Variants in TANC1 observed in about 807,000 individuals in gnomAD.
TANC1 encodes protein TANC1.
Under a neutral mutation model 149.7 loss-of-function variants are expected in TANC1, and 77 were observed. The observed-to-expected ratio is 0.51, with a 90% CI of 0.43 to 0.62. The LOEUF (loss-of-function observed/expected upper bound fraction) is 0.62. Ranked by LOEUF, TANC1 falls within the 20% of genes least tolerant of loss-of-function variation. TANC1 has a pLI of 0.00. For missense variants in TANC1, 1,985 were observed against 2,321.8 expected (o/e 0.85, Z 2.98); for synonymous variants, 854 against 925.0 (o/e 0.92, Z 1.39).
At position 159,115,451 on chromosome 2, in the gene TANC1, C is replaced by A. The variant is rs139529890; in HGVS notation, c.259+17617C>A. Among the ~76,000 whole-genome samples the A allele has an allele frequency of 7.2e-5, 11 of 152,162 alleles. No homozygotes were observed. The East Asian group carries it at 2.1e-3, about 29-fold the overall frequency. ...TTGAAAAAGTTTTAGGAAAAAGAAT[C>A]TTTAGGTTGTGGTGACCTGTTTGTA... On this transcript the variant is annotated intron_variant, in intron 4 of 26. Transcript: ENST00000263635.
rs367631474 is a variant in TANC1 at position 159,186,938 on chromosome 2, C to G, written c.2656C>G (p.Leu886Val). 7.4e-6 allele frequency: 12 copies of G among 1,614,236 alleles called. No individual in the cohort carries two copies. In the South Asian group the frequency reaches 1.3e-4, roughly 18 times the overall value. Residue 886 changes from leucine to valine, a missense_variant, in exon 16 of 27, where the codon CTC becomes GTC. Physicochemically the swap from Leu to Val is conservative, Grantham distance 32. Coordinates refer to ENST00000263635, the MANE Select transcript of TANC1 (RefSeq NM_033394.3). The part of the protein sequence containing the change: ...SKKTGISSSH[L>V]QALWIGYSTE... ...GAAGACGGGAATTTCTTCAAGCCATCTCCAAGCCCTGTGGATCGGCTACAG... is the reference window on the plus strand; with the variant it reads ...GAAGACGGGAATTTCTTCAAGCCATGTCCAAGCCCTGTGGATCGGCTACAG...
rs2032319983 is a variant in TANC1, at chr2:158,968,721, GC to G, written c.-183del. ...AGCCGCGGAGCGCCGAGCTGGCCTC[GC>G]CCCGAGGCCCGGCCCTGGGTGTGGG... On this transcript the variant is annotated 5_prime_UTR_variant, in exon 1 of 27. Transcript: ENST00000263635. 6.6e-6 allele frequency: 1 copy of G among 152,068 alleles called. No individual in the cohort carries two copies. Among genetic ancestry groups the G allele is most frequent in the Non-Finnish European group, 1.5e-5 (1 of 68,020 alleles). 9.4% of individuals were successfully genotyped at this position (152,068 alleles called of 1,614,324 possible).
In TANC1 at chr2:159,150,576, G is replaced by A. The variant is rs1376505806; in HGVS notation, c.682+20G>A. On this transcript the variant is annotated intron_variant, in intron 7 of 26. Transcript: ENST00000263635. ...TTATAGGTAAGAAGCACACTGCTCG[G>A]TAACATAATGGCTCGAATCTCATCA... 3 of 1,582,744 alleles carry A rather than the reference G, an allele frequency of 1.9e-6. No homozygotes were observed. Among genetic ancestry groups the A allele is most frequent in the Non-Finnish European group, 2.6e-6 (3 of 1,151,690 alleles).
At chr2:158,973,525 G>T (rs1233184005) in intron 1 of TANC1, among the ~76,000 whole-genome samples, 1 of 152,212 alleles carries the variant, frequency 6.6e-6, no homozygotes, top group African/African-American at 2.4e-5. Flanking sequence ...CTCACATCCA[G>T]AATTGGCCTT....
chr2:159,151,020 C>T (rs2052737973), intron 7 of TANC1, among the ~76,000 whole-genome samples: 1 of 152,092 alleles, frequency 6.6e-6, no homozygotes, highest in Admixed American at 6.5e-5. Flanking sequence ...CGTTTTGAGG[C>T]CAGAATTTTC....
chr2:159,006,262 C>T (rs1030502280), intron 2 of TANC1, among the ~76,000 whole-genome samples: 6 of 143,264 alleles, frequency 4.2e-5, no homozygotes, highest in African/African-American at 1.3e-4. Context: ...TGCTGCTGCA[C>T]TCCAGCCTGG....
In TANC1 at chr2:159,229,949, C is replaced by A. The variant is rs776816793; in HGVS notation, c.4523C>A (p.Ala1508Glu). The part of the protein sequence containing the change: ...KGRPVSPQSR[A>E]GIGKSLREPV... The stretch of plus-strand genomic sequence containing the variant: ...AGGCCGGTATCGCCACAGAGCAGGG[C>A]AGGAATCGGCAAGTCCCTGAGAGAG... Residue 1508 changes from alanine to glutamate, a missense_variant, in exon 27 of 27, where the codon GCA becomes GAA. Coordinates refer to ENST00000263635, the MANE Select transcript of TANC1 (RefSeq NM_033394.3). 3.1e-6 allele frequency: 5 copies of A among 1,613,968 alleles called. No homozygotes were observed. The highest frequency in any genetic ancestry group is 4.2e-6 in the Non-Finnish European group (5 of 1,180,058).
intron 2 of TANC1, among the ~76,000 whole-genome samples, chr2:159,063,863 C>T (rs2042446502): frequency 6.6e-6 from 1 of 152,048 alleles, no homozygotes; most frequent in Non-Finnish European, 1.5e-5. Context: ...TTCTGAGTGG[C>T]CTGGTAGGTG....
rs59509568 is a variant in TANC1 at position 159,117,701 on chromosome 2, C to CTT, written c.260-18464_260-18463dup. 5.0e-3 allele frequency among the ~76,000 whole-genome samples: 567 copies of CTT among 113,168 alleles called. 13 individuals are homozygous for CTT. The highest frequency in any genetic ancestry group is 0.015 in the African/African-American group (411 of 27,082). The allele number at this position is 113,168 out of a possible 152,430, so 74.2% of individuals were successfully genotyped here. ...GTGAGCCACCGTGCCCGGCCTATTC[C>CTT]TTTTTTTTTTTTTTTTTTTTTTTTT... On this transcript the variant is annotated intron_variant, in intron 4 of 26. Transcript: ENST00000263635.
At position 158,978,329 on chromosome 2, in the gene TANC1, G is replaced by A. The variant is rs539243124; in HGVS notation, c.-126+9547G>A. Among the ~76,000 whole-genome samples, 3 of 152,276 alleles carry A rather than the reference G, an allele frequency of 2.0e-5. No homozygotes were observed. In the South Asian group the frequency reaches 6.2e-4, roughly 32 times the overall value. ...CATGAAAGGAGATTGAGGGCAGGGA[G>A]CTCACAGAACCAAGACAGCAGGACC... On this transcript the variant is annotated intron_variant, in intron 1 of 26. Coordinates refer to ENST00000263635, the MANE Select transcript of TANC1 (RefSeq NM_033394.3).
chr2:159,136,788 CAAAAA>C (rs34488237), intron 5 of TANC1, among the ~76,000 whole-genome samples: 13 of 119,106 alleles, frequency 1.1e-4, no homozygotes, highest in Non-Finnish European at 1.9e-4. Flanking sequence ...GAAGTAGGAG[CAAAAA>C]AAAAAAAAAA....
At chr2:159,074,734 C>A (rs1472167657) in intron 3 of TANC1, among the ~76,000 whole-genome samples, 3 of 151,926 alleles carry the variant, frequency 2.0e-5, no homozygotes, top group African/African-American at 7.3e-5. Context: ...CTTGAGCTGC[C>A]GTAACAAAGC....
Position 159,165,140 on chromosome 2 carries a change from GTTAATT to G in TANC1, c.946+1599_946+1604del, listed in dbSNP as rs925336260. On this transcript the variant is annotated intron_variant, in intron 8 of 26. Coordinates refer to ENST00000263635, the MANE Select transcript of TANC1 (RefSeq NM_033394.3). ...TTTTAAAATTAGGAAACATTACTGT[GTTAATT>G]TTAACAGTGTTAAAAGCATCCCATT... Among the ~76,000 whole-genome samples the G allele has an allele frequency of 7.9e-5, 12 of 152,344 alleles. No individual in the cohort carries two copies. In the Middle Eastern group the frequency reaches 0.01, roughly 130 times the overall value.
intron 1 of TANC1, among the ~76,000 whole-genome samples, chr2:158,998,552 T>C (rs1364528171): frequency 2.0e-5 from 3 of 152,016 alleles, no homozygotes. Context: ...TCGAGGCGTG[T>C]GGGAAATTGG....
At chr2:159,197,673 CT>C (rs1463799027) in intron 18 of TANC1, among the ~76,000 whole-genome samples, 3 of 151,884 alleles carry the variant, frequency 2.0e-5, no homozygotes, top group Non-Finnish European at 2.9e-5. Context: ...AGATGTTTTC[CT>C]TTTTTTAAGT....
At chr2:159,008,203 T>C (rs1449056285) in intron 2 of TANC1, among the ~76,000 whole-genome samples, 1 of 152,240 alleles carries the variant, frequency 6.6e-6, no homozygotes, top group Non-Finnish European at 1.5e-5. Context: ...ATACAATTGC[T>C]GTTGCAAACT....
chr2:159,044,214 AG>A (rs2040868610), intron 2 of TANC1, among the ~76,000 whole-genome samples: 3 of 152,180 alleles, frequency 2.0e-5, no homozygotes, highest in African/African-American at 7.2e-5. Context: ...TTGAGGTGGG[AG>A]GATCACTTGA....
chr2:159,158,047 T>G (rs887620198), intron 7 of TANC1, among the ~76,000 whole-genome samples: 7 of 152,142 alleles, frequency 4.6e-5, no homozygotes, highest in Admixed American at 1.3e-4. Flanking sequence ...GTCTTAATAG[T>G]ATGGTATGAT....
At chr2:159,120,953 A>G (rs2150090991) in intron 4 of TANC1, among the ~76,000 whole-genome samples, 1 of 150,610 alleles carries the variant, frequency 6.6e-6, no homozygotes, top group East Asian at 2.0e-4. Context: ...TAAGCCCCTC[A>G]TCTCAGGATC....
Sources: allele counts gnomAD v4.1 joint callset (sites outside exome capture counted in the v4.1 genomes callset), GRCh38; gene constraint gnomAD v4.1.1; transcripts MANE v1.5; gene names NCBI Gene and HGNC (gene_info 2026-07-23, HGNC 2026-07-21).